Variants in DPH6 observed in about 807,000 individuals in gnomAD.
DPH6 encodes diphthine--ammonia ligase.
DPH6 carries 33 observed loss-of-function variants against 38.2 expected under a neutral mutation model. The observed-to-expected ratio is 0.86, with a 90% confidence interval of 0.65 to 1.15. DPH6 has a LOEUF of 1.15. DPH6 is among the 50% of genes most tolerant of loss of function. The pLI, the probability that DPH6 is intolerant of heterozygous loss-of-function variation, is 0.00. For missense variants in DPH6, 325 were observed against 320.0 expected (o/e 1.02, Z -0.12); for synonymous variants, 108 against 103.0 (o/e 1.05, Z -0.30).
chr15:35,171,220 C>T, the DPH6 span, among the ~76,000 whole-genome samples: 1 of 152,200 alleles, frequency 6.6e-6, no homozygotes, highest in African/African-American at 2.4e-5. Context: ...GGTTCGTCTG[C>T]CACTGCAGTG....
intron 6 of DPH6, among the ~76,000 whole-genome samples, chr15:35,394,820 C>G (rs1337245683): frequency 6.6e-6 from 1 of 152,154 alleles, no homozygotes; most frequent in Non-Finnish European, 1.5e-5. Flanking sequence ...AACATATACT[C>G]AATAAAGGGG....
At chr15:35,274,017 A>T (rs927826345) in intron 3 of DPH6, among the ~76,000 whole-genome samples, 7 of 152,250 alleles carry the variant, frequency 4.6e-5, no homozygotes, top group Admixed American at 1.3e-4. Flanking sequence ...ATAAGGCTTC[A>T]GTAACCAAAA....
chr15:35,244,416 C>T (rs1009471380), intron 3 of DPH6, among the ~76,000 whole-genome samples: 1 of 152,150 alleles, frequency 6.6e-6, no homozygotes, highest in African/African-American at 2.4e-5. Flanking sequence ...TGTGGTGTCC[C>T]CTGGACACTC....
chr15:35,518,772 C>T (rs1403538186), intron 3 of DPH6, among the ~76,000 whole-genome samples: 1 of 151,940 alleles, frequency 6.6e-6, no homozygotes, highest in Admixed American at 6.6e-5. Context: ...TTAAAAACTT[C>T]CTCAGATAAA....
intron 3 of DPH6, among the ~76,000 whole-genome samples, chr15:35,286,592 G>C (rs570253203): frequency 2.9e-4 from 44 of 152,148 alleles, no homozygotes; most frequent in African/African-American, 1.1e-3. Flanking sequence ...CTAGGTTAGT[G>C]GACATTATCT....
intron 6 of DPH6, among the ~76,000 whole-genome samples, chr15:35,406,021 C>A (rs1012932947): frequency 6.6e-6 from 1 of 151,772 alleles, no homozygotes; most frequent in Admixed American, 6.6e-5. Flanking sequence ...ACGCACGTAT[C>A]GCATGTTTTA....
At chr15:35,199,274 C>T in the DPH6 span, among the ~76,000 whole-genome samples, 10 of 152,260 alleles carry the variant, frequency 6.6e-5, no homozygotes, top group Admixed American at 2.6e-4. Context: ...TAAAAAGTCC[C>T]TAAGAAGCTC....
chr15:35,316,930 G>A lies in DPH6; in HGVS notation n.200+56591C>T, dbSNP rs181250553. On this transcript the variant is annotated intron_variant and non_coding_transcript_variant, in intron 3 of 3. Coordinates refer to the DPH6 transcript ENST00000560386. ...GAAATATATCTTCAAGATGCCAAAA[G>A]AGAACTGTCTTTCTAGAATTTTATA... is the stretch of plus-strand genomic sequence containing the variant. 1.1e-4 allele frequency among the ~76,000 whole-genome samples: 16 copies of A among 152,256 alleles called. 1 individual carries two copies. The highest frequency in any genetic ancestry group is 3.4e-3 in the Middle Eastern group (1 of 294).
intron 3 of DPH6, among the ~76,000 whole-genome samples, chr15:35,463,412 T>C (rs2054089676): frequency 6.6e-6 from 1 of 152,078 alleles, no homozygotes. Context: ...ATTCTACATG[T>C]AAGTGAAATA....
At chr15:35,426,174 A>G in intron 5 of DPH6, among the ~76,000 whole-genome samples, 1 of 151,598 alleles carries the variant, frequency 6.6e-6, no homozygotes, top group South Asian at 2.1e-4. Context: ...GGAGTTTTGA[A>G]AGTTTCAACT....
chr15:35,232,038 G>C (rs894571704), intron 3 of DPH6, among the ~76,000 whole-genome samples: 15 of 152,144 alleles, frequency 9.9e-5, no homozygotes, highest in African/African-American at 3.1e-4. Flanking sequence ...CATCCAAACT[G>C]TATCAGTATT....
intron 3 of DPH6, among the ~76,000 whole-genome samples, chr15:35,272,913 A>C: frequency 6.6e-6 from 1 of 151,656 alleles, no homozygotes; most frequent in East Asian, 1.9e-4. Flanking sequence ...TCTAAAAAAA[A>C]AAAAACAAAC....
chr15:35,262,876 C>A (rs1428042391), intron 3 of DPH6, among the ~76,000 whole-genome samples: 1 of 152,118 alleles, frequency 6.6e-6, no homozygotes, highest in Non-Finnish European at 1.5e-5. Flanking sequence ...TACTCTCATG[C>A]TTACATGTCT....
At chr15:35,213,050 CT>C (rs927026219), downstream of DPH6, among the ~76,000 whole-genome samples, 1 of 152,148 alleles carries the variant, frequency 6.6e-6, no homozygotes, top group Non-Finnish European at 1.5e-5. Context: ...CTGAAAATGT[CT>C]CATGAAAATC....
chr15:35,387,274 A>AT, intron 6 of DPH6, among the ~76,000 whole-genome samples: 1 of 152,136 alleles, frequency 6.6e-6, no homozygotes. Context: ...GTCAGGCAGC[A>AT]TGATGTCTCC....
chr15:35,343,209 A>G (rs1015595841), intron 3 of DPH6, among the ~76,000 whole-genome samples: 3 of 152,218 alleles, frequency 2.0e-5, no homozygotes, highest in African/African-American at 7.2e-5. Context: ...TTGCCAAGGC[A>G]AAACTCATAT....
chr15:35,284,465 TA>T (rs1435771363), intron 3 of DPH6, among the ~76,000 whole-genome samples: 5 of 151,896 alleles, frequency 3.3e-5, no homozygotes, highest in African/African-American at 1.2e-4. Flanking sequence ...TTCTGGACAA[TA>T]AAAATGGTGA....
intron 6 of DPH6, among the ~76,000 whole-genome samples, chr15:35,384,418 T>C (rs1391142005): frequency 6.6e-6 from 1 of 152,154 alleles, no homozygotes; most frequent in Non-Finnish European, 1.5e-5. Flanking sequence ...ATTTGATAAG[T>C]TCATTAAGAG....
intron 3 of DPH6, among the ~76,000 whole-genome samples, chr15:35,268,216 TA>T (rs904624491): frequency 2.5e-4 from 31 of 123,206 alleles, no homozygotes; most frequent in African/African-American, 9.1e-4. Context: ...AATAAATAAA[TA>T]AAAGAAAACT....
Sources: allele counts gnomAD v4.1 joint callset (sites outside exome capture counted in the v4.1 genomes callset), GRCh38; gene constraint gnomAD v4.1.1; transcripts MANE v1.5; gene names NCBI Gene and HGNC (gene_info 2026-07-23, HGNC 2026-07-21).